The following MIPEP variants were observed in gnomAD, a reference collection of about 807,000 sequenced individuals.
MIPEP encodes the protein mitochondrial intermediate peptidase.
A neutral mutation model predicts 90.3 loss-of-function variants in MIPEP; 79 were observed. The observed-to-expected ratio is 0.87, with a 90% CI of 0.73 to 1.05. The LOEUF (loss-of-function observed/expected upper bound fraction) is 1.05, where lower values mean the gene tolerates loss of function less well. Among genes scored for constraint, MIPEP ranks in the 50% least tolerant of loss-of-function variants. MIPEP has a pLI of 0.00. For missense variants in MIPEP, 940 were observed against 905.6 expected (o/e 1.04, Z -0.49); for synonymous variants, 334 against 315.8 (o/e 1.06, Z -0.61).
At position 23,868,004 on chromosome 13, in the gene MIPEP, A is replaced by G. The variant is rs1474469139; in HGVS notation, c.943+1288T>C. ...TGTTGACAACAGCGACTACAGAAAAACATACTTTTCACCAAACTGATACTT... is the reference window on the plus strand; with the variant it reads ...TGTTGACAACAGCGACTACAGAAAAGCATACTTTTCACCAAACTGATACTT... On this transcript the variant is annotated intron_variant, in intron 7 of 18. Coordinates refer to ENST00000382172, the MANE Select transcript of MIPEP (RefSeq NM_005932.4). Among the ~76,000 whole-genome samples the G allele has an allele frequency of 4.6e-5, 7 of 151,996 alleles. No homozygotes were observed. In the South Asian group the frequency reaches 1.4e-3, roughly 31 times the overall value.
chr13:23,888,439 C>A (rs1185587230), intron 1 of MIPEP, among the ~76,000 whole-genome samples: 1 of 152,052 alleles, frequency 6.6e-6, no homozygotes, highest in Non-Finnish European at 1.5e-5. Context: ...ACAAAATGTA[C>A]AAACTCCAAG....
chr13:23,812,227 A>T (rs999956638), intron 14 of MIPEP, among the ~76,000 whole-genome samples: 1 of 152,134 alleles, frequency 6.6e-6, no homozygotes, highest in Non-Finnish European at 1.5e-5. Context: ...AGGGGACGGT[A>T]TGTGAGCTGT....
Position 23,839,731 on chromosome 13 carries a change from A to G in MIPEP, c.1261-5T>C, listed in dbSNP as rs752241744. 1 of 1,593,624 alleles carries G rather than the reference A, an allele frequency of 6.3e-7. No individual in the cohort carries two copies. The highest frequency in any genetic ancestry group is 1.4e-5 in the African/African-American group (1 of 73,702). On this transcript the variant is annotated splice_region_variant and splice_polypyrimidine_tract_variant and intron_variant, in intron 11 of 18. Transcript: ENST00000382172. ...TTCAGATTCATGAACAACAGCCTAG[A>G]AAAAAAAATTTAAATTTGGTGGTAA...
At chr13:23,871,619 AATACTAATATACTTTTTAAAGATAAAC>A (rs757345812) in intron 5 of MIPEP, among the ~76,000 whole-genome samples, 2 of 152,226 alleles carry the variant, frequency 1.3e-5, no homozygotes, top group African/African-American at 2.4e-5. Context: ...ATTAAGCCAC[AATACTAATATACTTTTTAAAGATAAAC>A]ATAGATGATG....
At chr13:23,850,389 G>T (rs1208046968) in intron 10 of MIPEP, among the ~76,000 whole-genome samples, 2 of 152,130 alleles carry the variant, frequency 1.3e-5, no homozygotes, top group Non-Finnish European at 2.9e-5. Context: ...TAACTATATA[G>T]AACTGAAAAG....
intron 16 of MIPEP, among the ~76,000 whole-genome samples, chr13:23,778,641 C>T (rs895793113): frequency 2.6e-5 from 4 of 152,032 alleles, no homozygotes; most frequent in African/African-American, 9.7e-5. Flanking sequence ...TTTATACATA[C>T]CATTTTTATC....
intron 16 of MIPEP, among the ~76,000 whole-genome samples, chr13:23,785,804 C>A (rs957194242): frequency 6.6e-6 from 1 of 152,024 alleles, no homozygotes; most frequent in African/African-American, 2.4e-5. Context: ...AAATGATTAT[C>A]CAGCCTGGGC....
At chr13:23,872,414 T>C (rs568508042) in intron 5 of MIPEP, among the ~76,000 whole-genome samples, 2 of 152,318 alleles carry the variant, frequency 1.3e-5, no homozygotes, top group Admixed American at 6.5e-5. Context: ...TGAGCCAAGA[T>C]TGCCCAATTG....
chr13:23,749,691 C>A (rs1203313086), intron 18 of MIPEP, among the ~76,000 whole-genome samples: 2 of 152,282 alleles, frequency 1.3e-5, no homozygotes, highest in East Asian at 3.9e-4. Flanking sequence ...CCGTGACAGT[C>A]ATAACCATGC....
chr13:23,738,426 T>A (rs1047924498), intron 18 of MIPEP, among the ~76,000 whole-genome samples: 66 of 151,546 alleles, frequency 4.4e-4, no homozygotes, highest in Non-Finnish European at 7.9e-4. Flanking sequence ...TCCCTGTATA[T>A]ATTATATATA....
chr13:23,825,053 A>G (rs1953349907), intron 14 of MIPEP, among the ~76,000 whole-genome samples: 2 of 152,198 alleles, frequency 1.3e-5, no homozygotes, highest in Admixed American at 1.3e-4. Context: ...TGAGGCAGGT[A>G]TGGAGGCTTG....
chr13:23,882,414 G>A (rs1396246793), intron 2 of MIPEP, among the ~76,000 whole-genome samples: 1 of 151,576 alleles, frequency 6.6e-6, no homozygotes, highest in South Asian at 2.1e-4. Flanking sequence ...TCTAGTCTTT[G>A]ATTTAACTAC....
At chr13:23,742,564 T>C (rs146861922) in intron 18 of MIPEP, among the ~76,000 whole-genome samples, 4 of 152,360 alleles carry the variant, frequency 2.6e-5, no homozygotes, top group African/African-American at 9.6e-5. Flanking sequence ...CGAAGATTTA[T>C]GAAAACCTGC....
chr13:23,855,106 A>G (rs1467828543), intron 10 of MIPEP, among the ~76,000 whole-genome samples: 1 of 152,152 alleles, frequency 6.6e-6, no homozygotes, highest in African/African-American at 2.4e-5. Context: ...ACTTCTTAAC[A>G]TTGTTGATTT....
chr13:23,836,827 T>A (rs1869074140), intron 13 of MIPEP, among the ~76,000 whole-genome samples: 1 of 152,236 alleles, frequency 6.6e-6, no homozygotes, highest in Admixed American at 6.5e-5. Context: ...AACTCAAAAT[T>A]ACTTAAAGTA....
chr13:23,809,305 A>G (rs1953145885), intron 15 of MIPEP, among the ~76,000 whole-genome samples: 1 of 151,868 alleles, frequency 6.6e-6, no homozygotes, highest in Admixed American at 6.6e-5. Context: ...AGTTGTGTAA[A>G]TTTTCTAAGC....
chr13:23,845,560 A>C (rs1363235445), intron 10 of MIPEP, among the ~76,000 whole-genome samples: 1 of 152,190 alleles, frequency 6.6e-6, no homozygotes, highest in Non-Finnish European at 1.5e-5. Flanking sequence ...CTGTTAGTTT[A>C]TCTGTTAAAG....
intron 16 of MIPEP, among the ~76,000 whole-genome samples, chr13:23,775,053 T>A (rs1303477722): frequency 6.6e-6 from 1 of 151,852 alleles, no homozygotes; most frequent in Non-Finnish European, 1.5e-5. Context: ...CCTGCCTTGG[T>A]CTCCCAAAAT....
intron 14 of MIPEP, among the ~76,000 whole-genome samples, chr13:23,826,832 T>C (rs186865589): frequency 1.8e-4 from 28 of 152,324 alleles, no homozygotes; most frequent in Admixed American, 1.8e-3. Flanking sequence ...GCATTGGTTC[T>C]TTGAAAATAC....
Sources: gnomAD v4.1 joint callset for allele counts (sites outside exome capture counted in the v4.1 genomes callset) on GRCh38, gnomAD v4.1.1 for gene constraint, MANE v1.5 for transcripts, NCBI Gene and HGNC (gene_info 2026-07-23, HGNC 2026-07-21) for gene names.